Variants in IKZF2 observed in about 807,000 individuals in gnomAD.
The protein encoded by IKZF2 is zinc finger protein Helios.
IKZF2 carries 15 observed loss-of-function variants against 49.2 expected under a neutral mutation model. That is an observed-to-expected ratio of 0.30 (90% CI 0.20 to 0.47). The LOEUF (loss-of-function observed/expected upper bound fraction) is 0.47. IKZF2 is among the 20% of genes least tolerant of loss of function. The pLI is 1.00. For missense variants in IKZF2, 567 were observed against 664.6 expected (o/e 0.85, Z 1.61); for synonymous variants, 227 against 221.4 (o/e 1.03, Z -0.23).
At chr2:213,044,609 A>C (rs1403856753) in intron 6 of IKZF2, among the ~76,000 whole-genome samples, 1 of 152,218 alleles carries the variant, frequency 6.6e-6, no homozygotes, top group Non-Finnish European at 1.5e-5. Context: ...TTACTTGCTA[A>C]AGCAGCAATG....
In IKZF2 at chr2:213,022,039, G is replaced by A. The variant is rs1244543661; in HGVS notation, c.666C>T (p.Leu222=). ...CAGCAGCCTCCATGCTGACATTCTG[G>A]AGATAGTTGTGGCAGCGTTCCTTGT... ...EEHKERCHNY[L]QNVSMEAAGQ... Residue 222 remains leucine, a synonymous_variant, in exon 7 of 9, where the codon CTC becomes CTT. Coordinates refer to ENST00000434687, the MANE Select transcript of IKZF2 (RefSeq NM_001387220.1). 6.2e-7 allele frequency: 1 copy of A among 1,613,890 alleles called. No homozygotes were observed. Among genetic ancestry groups the A allele is most frequent in the Non-Finnish European group, 8.5e-7 (1 of 1,179,846 alleles).
At chr2:213,048,050 T>G (rs1700331301) in intron 6 of IKZF2, among the ~76,000 whole-genome samples, 2 of 152,032 alleles carry the variant, frequency 1.3e-5, no homozygotes, top group Non-Finnish European at 2.9e-5. Context: ...TGAAGAAAAT[T>G]AGGGATGGCT....
In IKZF2 at chr2:213,003,106, T is replaced by C. The variant is rs1480260497; in HGVS notation, c.*4254A>G. 4 of 152,038 alleles carry C rather than the reference T, an allele frequency of 2.6e-5. No individual in the cohort carries two copies. Among genetic ancestry groups the C allele is most frequent in the African/African-American group, 7.2e-5 (3 of 41,410 alleles). The allele number at this position is 152,038 out of a possible 1,614,324, so 9.4% of individuals were successfully genotyped here. On this transcript the variant is annotated 3_prime_UTR_variant, in exon 9 of 9. Coordinates refer to ENST00000434687, the MANE Select transcript of IKZF2 (RefSeq NM_001387220.1). ...ACTAAAAATGCAGAGATGAATTATA[T>C]AGTACTCAATTTTAAGTGATTTTTA... is the stretch of plus-strand genomic sequence containing the variant.
intron 4 of IKZF2, among the ~76,000 whole-genome samples, chr2:213,096,347 ATATAAAAACAGG>A (rs1214272482): frequency 6.6e-6 from 1 of 151,964 alleles, no homozygotes; most frequent in Non-Finnish European, 1.5e-5. Context: ...ATGCCTCATT[ATATAAAAACAGG>A]TATTTACAGA....
At chr2:213,104,713 C>G (rs893701600) in intron 4 of IKZF2, among the ~76,000 whole-genome samples, 1 of 152,118 alleles carries the variant, frequency 6.6e-6, no homozygotes, top group Non-Finnish European at 1.5e-5. Context: ...TTCCAAATTG[C>G]TATGGTCTGG....
intron 4 of IKZF2, among the ~76,000 whole-genome samples, chr2:213,064,341 G>A (rs1358954901): frequency 1.3e-5 from 2 of 151,900 alleles, no homozygotes; most frequent in African/African-American, 2.4e-5. Context: ...CTGTGAGTTG[G>A]TAATGTAGAA....
intron 7 of IKZF2, among the ~76,000 whole-genome samples, chr2:213,016,236 C>T (rs1397817469): frequency 6.6e-6 from 1 of 152,108 alleles, no homozygotes; most frequent in Non-Finnish European, 1.5e-5. Flanking sequence ...GTAATACCAT[C>T]TTCACTGTAC....
intron 4 of IKZF2, among the ~76,000 whole-genome samples, chr2:213,110,183 GTGT>G (rs1465557893): frequency 6.6e-6 from 1 of 151,844 alleles, no homozygotes; most frequent in Non-Finnish European, 1.5e-5. Flanking sequence ...GTTATTATTA[GTGT>G]TTTTTTCCTT....
At chr2:213,091,931 C>T (rs75908280) in intron 4 of IKZF2, among the ~76,000 whole-genome samples, 44 of 150,426 alleles carry the variant, frequency 2.9e-4, no homozygotes, top group African/African-American at 9.8e-4. Context: ...TGTGTGTACT[C>T]ATACTATTTT....
intron 5 of IKZF2, among the ~76,000 whole-genome samples, chr2:213,053,359 T>C (rs975547339): frequency 6.6e-6 from 1 of 152,186 alleles, no homozygotes; most frequent in African/African-American, 2.4e-5. Flanking sequence ...AGATTATATA[T>C]TATTTTTATT....
intron 6 of IKZF2, among the ~76,000 whole-genome samples, chr2:213,047,661 T>G (rs975977360): frequency 7.2e-5 from 11 of 152,222 alleles, no homozygotes; most frequent in African/African-American, 2.4e-4. Flanking sequence ...AGCTGCTAAA[T>G]AAACAGGGAC....
At chr2:213,053,605 C>G (rs1262698040) in intron 5 of IKZF2, among the ~76,000 whole-genome samples, 1 of 152,094 alleles carries the variant, frequency 6.6e-6, no homozygotes, top group Admixed American at 6.6e-5. Context: ...GTACAAAATA[C>G]GGTGCTGAAA....
chr2:213,076,631 G>A (rs1306065939), intron 4 of IKZF2, among the ~76,000 whole-genome samples: 1 of 152,180 alleles, frequency 6.6e-6, no homozygotes, highest in Non-Finnish European at 1.5e-5. Flanking sequence ...GAGAATAAAT[G>A]AGATATGTCA....
intron 4 of IKZF2, among the ~76,000 whole-genome samples, chr2:213,072,296 G>GTTTT (rs377550534): frequency 1.4e-5 from 2 of 144,546 alleles, no homozygotes; most frequent in Non-Finnish European, 3.0e-5. Context: ...CCTTTCCTTT[G>GTTTT]TTTTTTTTTT....
In IKZF2 at chr2:213,107,585, T is replaced by C. The variant is rs114676210; in HGVS notation, c.139+40123A>G. Reference sequence around the variant, plus strand: ...TATGTAAATCATGGTTCAAGTTCAGTCATTGCTGGAACTGTGTAACTACCT... The same window carrying C: ...TATGTAAATCATGGTTCAAGTTCAGCCATTGCTGGAACTGTGTAACTACCT... On this transcript the variant is annotated intron_variant, in intron 4 of 8. Transcript: ENST00000434687. 8.5e-3 allele frequency among the ~76,000 whole-genome samples: 1,298 copies of C among 152,320 alleles called. 23 individuals carry two copies. The highest frequency in any genetic ancestry group is 0.03 in the African/African-American group (1,234 of 41,574).
chr2:213,048,643 C>T (rs566048988), intron 6 of IKZF2, among the ~76,000 whole-genome samples: 6 of 152,108 alleles, frequency 3.9e-5, no homozygotes. Context: ...AAAATATATA[C>T]TTAAAATATT....
chr2:213,089,265 C>T (rs1705024166), intron 4 of IKZF2, among the ~76,000 whole-genome samples: 1 of 152,176 alleles, frequency 6.6e-6, no homozygotes, highest in Non-Finnish European at 1.5e-5. Context: ...TTACAAAAGA[C>T]CACTTCTCAC....
chr2:213,121,443 A>C (rs1033229176), intron 4 of IKZF2, among the ~76,000 whole-genome samples: 2 of 152,194 alleles, frequency 1.3e-5, no homozygotes, highest in African/African-American at 4.8e-5. Context: ...CTACACTGAT[A>C]CCATTAGCTA....
chr2:213,087,771 G>A (rs1046815265), intron 4 of IKZF2, among the ~76,000 whole-genome samples: 2 of 152,090 alleles, frequency 1.3e-5, no homozygotes, highest in Non-Finnish European at 2.9e-5. Flanking sequence ...CTGTCCTTGC[G>A]ATAGTTTGCT....
Sources: gnomAD v4.1 joint callset for allele counts (sites outside exome capture counted in the v4.1 genomes callset) on GRCh38, gnomAD v4.1.1 for gene constraint, MANE v1.5 for transcripts, NCBI Gene and HGNC (gene_info 2026-07-23, HGNC 2026-07-21) for gene names.